The following TNIK variants were observed in gnomAD, a reference collection of about 807,000 sequenced individuals.
TNIK encodes TRAF2 and NCK-interacting protein kinase.
In TNIK, 49 loss-of-function variants were observed where a neutral mutation model predicts 191.3. The ratio of observed to expected loss-of-function variants is 0.26; its 90% CI spans 0.20 to 0.32. The LOEUF (loss-of-function observed/expected upper bound fraction) is 0.32, where lower values mean the gene tolerates loss of function less well. Among genes scored for constraint, TNIK ranks in the 10% least tolerant of loss-of-function variants. The pLI is 1.00. For synonymous variants in TNIK, 594 were observed against 600.9 expected (o/e 0.99, Z 0.17); for missense variants, 1,155 against 1,702.3 (o/e 0.68, Z 5.66).
At chr3:171,173,221 A>AC (rs1735547063) in intron 9 of TNIK, among the ~76,000 whole-genome samples, 1 of 22,342 alleles carries the variant, frequency 4.5e-5, no homozygotes, top group African/African-American at 1.4e-4. Context: ...TGTCTCTACT[A>AC]AAAAAAAAAA....
chr3:171,445,247 C>A (rs1288373154), intron 1 of TNIK, among the ~76,000 whole-genome samples: 1 of 151,822 alleles, frequency 6.6e-6, no homozygotes, highest in Non-Finnish European at 1.5e-5. Flanking sequence ...TAGGAAAGCC[C>A]TTCTCTATAA....
At position 171,077,081 on chromosome 3, in the gene TNIK, CTT is replaced by C. The variant is rs397708757; in HGVS notation, c.3448+2435_3448+2436del. Reference sequence around the variant, plus strand: ...CATTTCCTTTCTTGTTCCCCCCCCCCTTTTTTTTTATACTTGTTTTCTATGTA... The same window carrying C: ...CATTTCCTTTCTTGTTCCCCCCCCCCTTTTTTTATACTTGTTTTCTATGTA... On this transcript the variant is annotated intron_variant, in intron 28 of 32. Transcript: ENST00000436636. Among the ~76,000 whole-genome samples the C allele has an allele frequency of 2.8e-3, 402 of 141,866 alleles. 3 individuals carry two copies. Among genetic ancestry groups the C allele is most frequent in the African/African-American group, 0.01 (392 of 38,748 alleles). 93.1% of individuals were successfully genotyped at this position (141,866 alleles called of 152,430 possible). A position where few individuals can be genotyped will look rare whatever the true frequency, so the allele number is the denominator to read the frequency against.
intron 2 of TNIK, among the ~76,000 whole-genome samples, chr3:171,343,414 G>A (rs1036050126): frequency 1.3e-5 from 2 of 152,190 alleles, no homozygotes; most frequent in African/African-American, 4.8e-5. Context: ...AAGGCTCCCT[G>A]AGCAGCCACC....
chr3:171,353,614 C>T (rs1212413760), intron 2 of TNIK, among the ~76,000 whole-genome samples: 4 of 152,104 alleles, frequency 2.6e-5, no homozygotes, highest in African/African-American at 9.7e-5. Context: ...ATCTATGAAA[C>T]ACCTGACTAC....
intron 2 of TNIK, among the ~76,000 whole-genome samples, chr3:171,319,337 C>T (rs1754950520): frequency 6.6e-6 from 1 of 152,082 alleles, no homozygotes; most frequent in Non-Finnish European, 1.5e-5. Context: ...GGCAAAAATT[C>T]TGCAGTTAAG....
In TNIK at chr3:171,376,386, C is replaced by G. The variant is rs1344079767; in HGVS notation, c.58-6701G>C. On this transcript the variant is annotated intron_variant, in intron 1 of 32. Coordinates refer to ENST00000436636, the MANE Select transcript of TNIK (RefSeq NM_015028.4). Reference sequence around the variant, plus strand: ...AGTAGAGGTTTGCAGAGTCAAAGGTCTTGCTTTACACAGTAAGATTTATTT... The same window carrying G: ...AGTAGAGGTTTGCAGAGTCAAAGGTGTTGCTTTACACAGTAAGATTTATTT... 2.0e-5 allele frequency among the ~76,000 whole-genome samples: 3 copies of G among 152,294 alleles called. No individual in the cohort carries two copies. The East Asian group carries it at 5.8e-4, about 29-fold the overall frequency.
At chr3:171,333,695 C>T (rs1370957104) in intron 2 of TNIK, among the ~76,000 whole-genome samples, 2 of 151,884 alleles carry the variant, frequency 1.3e-5, no homozygotes, top group African/African-American at 2.4e-5. Context: ...CCATTTCACT[C>T]ATGAGAATTA....
At chr3:171,205,390 C>T (rs528048548) in intron 4 of TNIK, among the ~76,000 whole-genome samples, 3 of 152,196 alleles carry the variant, frequency 2.0e-5, no homozygotes, top group South Asian at 2.1e-4. Context: ...TCTGCATAGA[C>T]GCGAGTCTGA....
chr3:171,091,683 C>T (rs1024589083), intron 23 of TNIK, among the ~76,000 whole-genome samples: 6 of 151,574 alleles, frequency 4.0e-5, no homozygotes, highest in Non-Finnish European at 8.8e-5. Context: ...TGCAGTGAGC[C>T]GAGATTGCAC....
chr3:171,076,493 TG>T (rs1719957802), intron 28 of TNIK, among the ~76,000 whole-genome samples: 2 of 152,330 alleles, frequency 1.3e-5, no homozygotes, highest in South Asian at 4.1e-4. Flanking sequence ...CATACTTTTC[TG>T]AGACCACATC....
At chr3:171,149,259 A>G (rs1207575982) in intron 12 of TNIK, among the ~76,000 whole-genome samples, 2 of 152,186 alleles carry the variant, frequency 1.3e-5, no homozygotes, top group Non-Finnish European at 1.5e-5. Flanking sequence ...GCATGCAGGC[A>G]CTAAAAAGCC....
chr3:171,323,527 TG>T (rs1755403583), intron 2 of TNIK, among the ~76,000 whole-genome samples: 1 of 152,204 alleles, frequency 6.6e-6, no homozygotes, highest in African/African-American at 2.4e-5. Context: ...TGTTGGGCAC[TG>T]ACAATTTCGG....
At chr3:171,249,136 T>A (rs1745945208) in intron 2 of TNIK, among the ~76,000 whole-genome samples, 1 of 152,200 alleles carries the variant, frequency 6.6e-6, no homozygotes, top group Non-Finnish European at 1.5e-5. Flanking sequence ...ACATTAAAAG[T>A]AACTAGCTAT....
intron 4 of TNIK, among the ~76,000 whole-genome samples, chr3:171,204,778 C>G (rs1003221347): frequency 6.6e-6 from 1 of 152,122 alleles, no homozygotes; most frequent in South Asian, 2.1e-4. Context: ...ATCTTCAATC[C>G]TATTTAGAAC....
At chr3:171,438,305 C>T (rs1166486492) in intron 1 of TNIK, among the ~76,000 whole-genome samples, 4 of 152,218 alleles carry the variant, frequency 2.6e-5, no homozygotes, top group African/African-American at 9.6e-5. Flanking sequence ...CAGGTCTTTC[C>T]ATTTCCCAGG....
At chr3:171,229,718 T>G (rs1015876439) in intron 2 of TNIK, among the ~76,000 whole-genome samples, 2 of 152,166 alleles carry the variant, frequency 1.3e-5, no homozygotes, top group Admixed American at 1.3e-4. Context: ...ATCTATTTAC[T>G]CTGATTCTGA....
At chr3:171,168,059 A>T (rs1734824480) in intron 9 of TNIK, among the ~76,000 whole-genome samples, 2 of 152,254 alleles carry the variant, frequency 1.3e-5, no homozygotes, top group African/African-American at 4.8e-5. Flanking sequence ...CCCACGCCAG[A>T]GACCTGGCAG....
intron 2 of TNIK, among the ~76,000 whole-genome samples, chr3:171,290,754 C>CTA (rs998004436): frequency 2.4e-4 from 37 of 152,098 alleles, no homozygotes; most frequent in African/African-American, 8.9e-4. Context: ...ATGTACAGCA[C>CTA]TATAAGCATG....
chr3:171,114,728 A>G (rs1340607768), intron 18 of TNIK, among the ~76,000 whole-genome samples: 4 of 152,234 alleles, frequency 2.6e-5, no homozygotes, highest in Non-Finnish European at 1.5e-5. Context: ...AATCAGTTGC[A>G]GAGTGATCAT....
Sources: allele counts gnomAD v4.1 joint callset (sites outside exome capture counted in the v4.1 genomes callset), GRCh38; gene constraint gnomAD v4.1.1; transcripts MANE v1.5; gene names NCBI Gene and HGNC (gene_info 2026-07-23, HGNC 2026-07-21).